The following GSG1L variants were observed in gnomAD, a reference collection of about 807,000 sequenced individuals.
GSG1L encodes GSG1 like.
GSG1L carries 24 observed loss-of-function variants against 42.1 expected under a neutral mutation model. The observed-to-expected ratio is 0.57, with a 90% CI of 0.41 to 0.80. The LOEUF (loss-of-function observed/expected upper bound fraction) is 0.80. Ranked by LOEUF, GSG1L falls within the 30% of genes least tolerant of loss-of-function variation. The pLI, the probability that GSG1L is intolerant of heterozygous loss-of-function variation, is 0.00. For synonymous variants in GSG1L, 215 were observed against 203.5 expected (o/e 1.06, Z -0.48); for missense variants, 445 against 472.2 (o/e 0.94, Z 0.53).
intron 1 of GSG1L, among the ~76,000 whole-genome samples, chr16:28,006,199 A>G (rs1175537386): frequency 6.6e-6 from 1 of 152,256 alleles, no homozygotes; most frequent in Non-Finnish European, 1.5e-5. Flanking sequence ...TACCATCTGT[A>G]GGAACTGAAT....
At chr16:28,061,437 C>A (rs1371586383) in intron 1 of GSG1L, among the ~76,000 whole-genome samples, 3 of 151,732 alleles carry the variant, frequency 2.0e-5, no homozygotes, top group African/African-American at 7.3e-5. Flanking sequence ...TGACAAACGG[C>A]CAGCCTGGCT....
chr16:27,891,311 A>G (rs1320894178), intron 2 of GSG1L, among the ~76,000 whole-genome samples: 2 of 152,158 alleles, frequency 1.3e-5, no homozygotes, highest in African/African-American at 2.4e-5. Flanking sequence ...CATTCTTATT[A>G]CCTCAATCAA....
chr16:27,934,880 T>C (rs978296195), intron 2 of GSG1L, among the ~76,000 whole-genome samples: 1 of 152,168 alleles, frequency 6.6e-6, no homozygotes, highest in Non-Finnish European at 1.5e-5. Flanking sequence ...GGCTCTGGAA[T>C]GTAGCTCACA....
At chr16:27,966,558 G>A (rs1045739163) in intron 1 of GSG1L, among the ~76,000 whole-genome samples, 2 of 152,044 alleles carry the variant, frequency 1.3e-5, no homozygotes, top group South Asian at 2.1e-4. Flanking sequence ...ATGAATACAC[G>A]AGCAAATGAA....
intron 2 of GSG1L, among the ~76,000 whole-genome samples, chr16:27,954,716 C>T (rs2084986767): frequency 1.3e-5 from 2 of 152,120 alleles, no homozygotes; most frequent in Non-Finnish European, 2.9e-5. Flanking sequence ...TGTGGTGGTA[C>T]GATCCTAGCT....
chr16:28,040,677 T>G lies in GSG1L; in HGVS notation c.349+22399A>C, dbSNP rs1243216550. ...AAGATGCTCTCAGAGCCCCCAGGCC[T>G]GAGAGCCTTCCCTCCACTGGGCTCT... On this transcript the variant is annotated intron_variant, in intron 1 of 6. Coordinates refer to ENST00000447459, the MANE Select transcript of GSG1L (RefSeq NM_001109763.2). The surrounding 1 kb of genome is among the most constrained non-coding windows in gnomAD (Gnocchi z 4.1). Among the ~76,000 whole-genome samples, 1 of 152,220 alleles carries G rather than the reference T, an allele frequency of 6.6e-6. No individual in the cohort carries two copies. The highest frequency in any genetic ancestry group is 6.5e-5 in the Admixed American group (1 of 15,290).
chr16:27,802,688 C>T (rs2082897239), intron 6 of GSG1L, among the ~76,000 whole-genome samples: 1 of 152,120 alleles, frequency 6.6e-6, no homozygotes, highest in Non-Finnish European at 1.5e-5. Flanking sequence ...CTCAGATGAT[C>T]TTTGCAGTCT....
intron 2 of GSG1L, among the ~76,000 whole-genome samples, chr16:27,922,222 G>A (rs1007261423): frequency 1.3e-5 from 2 of 152,016 alleles, no homozygotes; most frequent in South Asian, 2.1e-4. Context: ...CCTCAAGAAC[G>A]TCAAAACTGC....
chr16:28,011,238 C>A (rs900052189), intron 1 of GSG1L, among the ~76,000 whole-genome samples: 1 of 152,364 alleles, frequency 6.6e-6, no homozygotes, highest in South Asian at 2.1e-4. Flanking sequence ...CTGGGCCTGG[C>A]CTGGTCCTTG....
At chr16:27,951,033 C>T (rs569956046) in intron 2 of GSG1L, among the ~76,000 whole-genome samples, 2 of 152,254 alleles carry the variant, frequency 1.3e-5, no homozygotes, top group South Asian at 4.1e-4. Flanking sequence ...TGGTTCTCCT[C>T]CCTGCCTTAT....
intron 3 of GSG1L, among the ~76,000 whole-genome samples, chr16:27,869,157 G>A (rs2083770452): frequency 6.8e-6 from 1 of 147,288 alleles, no homozygotes; most frequent in Non-Finnish European, 1.5e-5. Flanking sequence ...GATGGGCTCA[G>A]CTCTCCTCTG....
chr16:28,046,143 G>A (rs1042399724), intron 1 of GSG1L, among the ~76,000 whole-genome samples: 2 of 151,856 alleles, frequency 1.3e-5, no homozygotes, highest in African/African-American at 4.8e-5. Flanking sequence ...CAAAAATTGG[G>A]GCTGACCTCA....
At position 28,063,228 on chromosome 16, in the gene GSG1L, G is replaced by GCGGCGGTGC. The variant is rs2086365546; in HGVS notation, c.188_196dup (p.Gly63_Ala65dup). The GCGGCGGTGC allele has an allele frequency of 1.6e-6, 2 of 1,254,628 alleles. No homozygotes were observed. The highest frequency in any genetic ancestry group is 3.2e-5 in the African/African-American group (2 of 63,248). 77.7% of individuals were successfully genotyped at this position (1,254,628 alleles called of 1,614,324 possible). ...GGCGGCGGCGGCGGCGGCGGCGGGG[G>GCGGCGGTGC]CGGCGGTGCCGTTGGCCGTGGCGTT... On this transcript the variant is annotated inframe_insertion, in exon 1 of 7. Coordinates refer to ENST00000447459, the MANE Select transcript of GSG1L (RefSeq NM_001109763.2). This position sits in a 1 kb window ranked among gnomAD's most constrained non-coding sequence, Gnocchi z 5.8.
At chr16:27,883,420 T>C (rs962719822) in intron 3 of GSG1L, among the ~76,000 whole-genome samples, 2 of 152,182 alleles carry the variant, frequency 1.3e-5, no homozygotes, top group African/African-American at 4.8e-5. Context: ...TTCTTTACTG[T>C]GATGATTGGA....
At chr16:27,820,681 C>A (rs1377485908) in intron 5 of GSG1L, among the ~76,000 whole-genome samples, 1 of 152,262 alleles carries the variant, frequency 6.6e-6, no homozygotes, top group East Asian at 1.9e-4. Context: ...GATCTGAGAT[C>A]TGATGGCTTT....
At chr16:27,800,596 GCAGGTTTCAAAAGCAACTTCCT>G (rs889944972) in intron 6 of GSG1L, among the ~76,000 whole-genome samples, 19 of 152,110 alleles carry the variant, frequency 1.2e-4, no homozygotes, top group African/African-American at 4.6e-4. Flanking sequence ...AGCCCCAAAG[GCAGGTTTCAAAAGCAACTTCCT>G]CAGGAAAAAA....
At chr16:28,007,104 G>A (rs994867220) in intron 1 of GSG1L, among the ~76,000 whole-genome samples, 11 of 152,162 alleles carry the variant, frequency 7.2e-5, no homozygotes, top group African/African-American at 2.2e-4. Flanking sequence ...CGAAGTCCAC[G>A]TCCTAATCCT....
chr16:27,841,129 C>G (rs2083376686), intron 4 of GSG1L, among the ~76,000 whole-genome samples: 1 of 152,210 alleles, frequency 6.6e-6, no homozygotes, highest in South Asian at 2.1e-4. Flanking sequence ...CAAGAGACCC[C>G]CATGAGGCGG....
At chr16:28,026,531 C>G (rs1364088245) in intron 1 of GSG1L, among the ~76,000 whole-genome samples, 1 of 152,166 alleles carries the variant, frequency 6.6e-6, no homozygotes, top group African/African-American at 2.4e-5. Flanking sequence ...GCCCTCCATA[C>G]CAGGCATTTA....
Sources: allele counts gnomAD v4.1 joint callset (sites outside exome capture counted in the v4.1 genomes callset), GRCh38; gene constraint gnomAD v4.1.1; non-coding constraint Gnocchi (gnomAD v3.1); transcripts MANE v1.5; gene names NCBI Gene and HGNC (gene_info 2026-07-23, HGNC 2026-07-21).